PHF21B: variants seen among roughly 807,000 people sequenced by gnomAD.
PHF21B encodes PHD finger protein 21B, also known as PHD finger protein 4.
In PHF21B, 22 loss-of-function variants were observed where a neutral mutation model predicts 62.2. The observed-to-expected ratio is 0.35, with a 90% CI of 0.25 to 0.51. The LOEUF (loss-of-function observed/expected upper bound fraction) is 0.51. Ranked by LOEUF, PHF21B falls within the 20% of genes least tolerant of loss-of-function variation. PHF21B has a pLI of 0.97. For missense variants in PHF21B, 701 were observed against 707.9 expected (o/e 0.99, Z 0.11); for synonymous variants, 341 against 314.7 (o/e 1.08, Z -0.88).
intron 2 of PHF21B, among the ~76,000 whole-genome samples, chr22:44,950,036 A>G (rs1006119326): frequency 7.2e-5 from 11 of 152,188 alleles, no homozygotes; most frequent in African/African-American, 2.2e-4. Context: ...TGACCTGAGT[A>G]ATGAAACCAG....
chr22:44,975,627 G>A (rs889524466), intron 2 of PHF21B, among the ~76,000 whole-genome samples: 6 of 152,338 alleles, frequency 3.9e-5, no homozygotes, highest in African/African-American at 7.2e-5. Flanking sequence ...CTACGAGGAA[G>A]GCAGGAGGGA....
At chr22:44,901,594 G>T in intron 5 of PHF21B, 1 of 316,962 alleles carries the variant, frequency 3.2e-6, no homozygotes, top group East Asian at 5.7e-5. Flanking sequence ...CTTGCAAGAT[G>T]GTGAGAAGTT....
At chr22:44,931,140 G>A (rs374769244) in intron 2 of PHF21B, among the ~76,000 whole-genome samples, 10 of 152,138 alleles carry the variant, frequency 6.6e-5, no homozygotes, top group Non-Finnish European at 8.8e-5. Flanking sequence ...CTGCAGCCTC[G>A]AATTCCTGGG....
intron 12 of PHF21B, 37 bp from the exon 13 acceptor site, chr22:44,883,341 T>C (rs777444721): frequency 6.3e-7 from 1 of 1,597,260 alleles, no homozygotes; most frequent in East Asian, 2.2e-5. Flanking sequence ...GGTCTCAGTA[T>C]TCGGCTCTAC....
At chr22:44,887,074 T>C (rs936796822) in intron 10 of PHF21B, among the ~76,000 whole-genome samples, 9 of 148,960 alleles carry the variant, frequency 6.0e-5, no homozygotes, top group East Asian at 2.0e-4. Flanking sequence ...GAGAATCGCT[T>C]GAACCCAGAA....
chr22:44,968,092 T>C (rs1221061394), intron 2 of PHF21B, among the ~76,000 whole-genome samples: 1 of 152,144 alleles, frequency 6.6e-6, no homozygotes, highest in African/African-American at 2.4e-5. Context: ...TCAGAGCAGT[T>C]ACTTTACTTC....
rs1429271115 is a variant in PHF21B, at chr22:44,922,398, C to T, written c.121-1908G>A. On this transcript the variant is annotated intron_variant, in intron 2 of 12. Coordinates refer to ENST00000313237, the MANE Select transcript of PHF21B (RefSeq NM_138415.5). Reference sequence around the variant, plus strand: ...CTGTAATCCCAGCACTTTGGGAGACCAAGGCAGGCAGATCACCTGAGGTCA... The same window carrying T: ...CTGTAATCCCAGCACTTTGGGAGACTAAGGCAGGCAGATCACCTGAGGTCA... Among the ~76,000 whole-genome samples, 7 of 152,266 alleles carry T rather than the reference C, an allele frequency of 4.6e-5. No homozygotes were observed. The South Asian group carries it at 1.2e-3, about 27-fold the overall frequency.
chr22:44,958,598 ATTTTTTTT>A (rs59943293), intron 2 of PHF21B, among the ~76,000 whole-genome samples: 57 of 75,900 alleles, frequency 7.5e-4, no homozygotes, highest in South Asian at 1.9e-3. Flanking sequence ...CCTTCCTTTG[ATTTTTTTT>A]TTTTTTTTTT....
At chr22:44,959,054 C>T (rs930135375) in intron 2 of PHF21B, among the ~76,000 whole-genome samples, 3 of 152,156 alleles carry the variant, frequency 2.0e-5, no homozygotes, top group Admixed American at 6.5e-5. Context: ...CCTGATTTCT[C>T]GGAGGATGAG....
chr22:44,942,620 G>A (rs1417971849), intron 2 of PHF21B, among the ~76,000 whole-genome samples: 1 of 152,196 alleles, frequency 6.6e-6, no homozygotes, highest in Admixed American at 6.5e-5. Context: ...AGGGCACCGA[G>A]GTCTGTGGCC....
At chr22:44,913,760 C>G in intron 5 of PHF21B, 62 bp downstream of exon 5, 1 of 1,545,856 alleles carries the variant, frequency 6.5e-7, no homozygotes, top group Non-Finnish European at 8.7e-7. Flanking sequence ...CTATACACAG[C>G]GGCCTCAGAT....
At position 44,916,489 on chromosome 22, in the gene PHF21B, T is replaced by C. The variant is rs1329687624; in HGVS notation, c.355A>G (p.Thr119Ala). The C allele has an allele frequency of 5.0e-6, 8 of 1,606,446 alleles. No individual in the cohort carries two copies. Among genetic ancestry groups the C allele is most frequent in the Admixed American group, 1.7e-5 (1 of 59,802 alleles). Residue 119 changes from threonine (T) to alanine (A), a missense_variant, in exon 4 of 13, where the codon ACT (threonine) becomes GCT (alanine). By Grantham distance (58) the Thr-to-Ala change is moderately conservative (BLOSUM62 0). Coordinates refer to ENST00000313237, the MANE Select transcript of PHF21B (RefSeq NM_138415.5). The part of the protein sequence containing the change: ...PSPALPTANN[T>A]VSHVPAPGSQ... ...CCGGGCGCTGGCACATGGCTGACAG[T>C]GTTGTTGGCGGTGGGGAGGGCTGGG...
chr22:44,890,467 G>A (rs970246800), intron 8 of PHF21B, among the ~76,000 whole-genome samples: 1 of 152,204 alleles, frequency 6.6e-6, no homozygotes, highest in South Asian at 2.1e-4. Flanking sequence ...AGCTCACAAA[G>A]TGCAGTCACA....
At chr22:44,956,698 G>C (rs930796695) in intron 2 of PHF21B, among the ~76,000 whole-genome samples, 4 of 152,092 alleles carry the variant, frequency 2.6e-5, no homozygotes, top group Non-Finnish European at 5.9e-5. Context: ...GGACCATGAG[G>C]CCTGACCACC....
chr22:44,913,766 C>T, intron 5 of PHF21B, 56 bp downstream of exon 5: 5 of 1,556,876 alleles, frequency 3.2e-6, no homozygotes, highest in Non-Finnish European at 4.3e-6. Context: ...ACAGCGGCCT[C>T]AGATGGCACC....
chr22:44,884,486 C>A (rs1410949075), intron 12 of PHF21B, among the ~76,000 whole-genome samples: 2 of 148,350 alleles, frequency 1.3e-5, no homozygotes, highest in Non-Finnish European at 1.5e-5. Flanking sequence ...TCACCACCAC[C>A]ATGATCACCA....
chr22:44,929,726 GT>G (rs1438566053), intron 2 of PHF21B, among the ~76,000 whole-genome samples: 2 of 152,242 alleles, frequency 1.3e-5, no homozygotes, highest in Non-Finnish European at 2.9e-5. Context: ...ACAGCAGCCG[GT>G]GGCACTGGCA....
At chr22:44,963,406 T>C (rs1158510328) in intron 2 of PHF21B, among the ~76,000 whole-genome samples, 1 of 152,198 alleles carries the variant, frequency 6.6e-6, no homozygotes, top group Non-Finnish European at 1.5e-5. Context: ...AGGATTTTGT[T>C]TTTTTACCTA....
chr22:45,009,860 C>G lies in PHF21B; in HGVS notation c.-311G>C, dbSNP rs1359587923. The G allele has an allele frequency of 6.8e-6, 1 of 146,504 alleles. No homozygotes were observed. The highest frequency in any genetic ancestry group is 1.5e-5 in the Non-Finnish European group (1 of 65,634). 9.1% of individuals were successfully genotyped at this position (146,504 alleles called of 1,614,324 possible). A position where few individuals can be genotyped will look rare whatever the true frequency, so the allele number is the denominator to read the frequency against. On this transcript the variant is annotated 5_prime_UTR_variant, in exon 1 of 13. Coordinates refer to ENST00000313237, the MANE Select transcript of PHF21B (RefSeq NM_138415.5). This position sits in a 1 kb window ranked among gnomAD's most constrained non-coding sequence, Gnocchi z 5.9. ...CGGCGCCGGGAGCCCCGCGCAGCCC[C>G]GCGCGCGCCCGCCCAGCCGCCGCCG...
Sources: gnomAD v4.1 joint callset for allele counts (sites outside exome capture counted in the v4.1 genomes callset) on GRCh38, gnomAD v4.1.1 for gene constraint, Gnocchi (gnomAD v3.1) non-coding constraint, MANE v1.5 for transcripts, NCBI Gene and HGNC (gene_info 2026-07-23, HGNC 2026-07-21) for gene names.